SFSWAP: variants seen among roughly 807,000 people sequenced by gnomAD.
SFSWAP encodes the protein splicing factor, suppressor of white-apricot homolog.
SFSWAP carries 17 observed loss-of-function variants against 100.7 expected under a neutral mutation model. The ratio of observed to expected loss-of-function variants is 0.17; its 90% CI spans 0.12 to 0.25. SFSWAP has a LOEUF of 0.25. Ranked by LOEUF, SFSWAP falls within the 10% of genes least tolerant of loss-of-function variation. SFSWAP has a pLI of 1.00. For missense variants in SFSWAP, 1,005 were observed against 1,262.6 expected (o/e 0.80, Z 3.09); for synonymous variants, 504 against 510.1 (o/e 0.99, Z 0.16).
At position 131,725,264 on chromosome 12, in the gene SFSWAP, A is replaced by G. The variant is rs897453517; in HGVS notation, c.607-141A>G. ...AGATTTGGAGATGAGGAGTCCGAAC[A>G]GCCTGGGCTCTTCCAGCTTAAAGTC... is the stretch of plus-strand genomic sequence containing the variant. On this transcript the variant is annotated intron_variant, in intron 4 of 17. Transcript: ENST00000261674. The surrounding 1 kb of genome is among the most constrained non-coding windows in gnomAD (Gnocchi z 4.3). 1.6e-5 allele frequency: 12 copies of G among 732,230 alleles called. No homozygotes were observed. Among genetic ancestry groups the G allele is most frequent in the Non-Finnish European group, 2.3e-5 (10 of 434,136 alleles). The allele number at this position is 732,230 out of a possible 1,614,324, so 45.4% of individuals were successfully genotyped here.
At chr12:131,777,117 C>T (rs1243501483) in intron 13 of SFSWAP, among the ~76,000 whole-genome samples, 2 of 152,116 alleles carry the variant, frequency 1.3e-5, no homozygotes, top group African/African-American at 4.8e-5. Context: ...GTAGTTAAAA[C>T]TGTTTTTTTT....
At chr12:131,771,248 C>T (rs1883570879) in intron 13 of SFSWAP, among the ~76,000 whole-genome samples, 1 of 152,184 alleles carries the variant, frequency 6.6e-6, no homozygotes, top group African/African-American at 2.4e-5. Flanking sequence ...TGGTGTGTTA[C>T]AGGCACTCGG....
chr12:131,727,134 C>A (rs752014236), intron 6 of SFSWAP, 82 bp downstream of exon 6: 15 of 783,154 alleles, frequency 1.9e-5, no homozygotes, highest in Non-Finnish European at 3.3e-5. Flanking sequence ...TGAAGCATGT[C>A]ATTCTTGTGT....
intron 9 of SFSWAP, among the ~76,000 whole-genome samples, chr12:131,755,137 A>G (rs967888544): frequency 1.3e-5 from 2 of 152,190 alleles, no homozygotes; most frequent in Non-Finnish European, 2.9e-5. Flanking sequence ...AAACCAAGCA[A>G]TGTCCCACGC....
In SFSWAP at chr12:131,733,182, G is replaced by A. The variant is rs1402966693; in HGVS notation, c.1081+4754G>A. Among the ~76,000 whole-genome samples the A allele has an allele frequency of 2.0e-5, 3 of 152,290 alleles. No homozygotes were observed. In the East Asian group the frequency reaches 5.8e-4, roughly 29 times the overall value. The stretch of plus-strand genomic sequence containing the variant: ...CTTGAAACGTCAGCTGTATGAGAGC[G>A]GGCGGGGGATGGCGCGGTCTCCCTG... On this transcript the variant is annotated intron_variant, in intron 7 of 17. Coordinates refer to ENST00000261674, the MANE Select transcript of SFSWAP (RefSeq NM_004592.4). The surrounding 1 kb of genome is among the most constrained non-coding windows in gnomAD (Gnocchi z 5.1).
intron 16 of SFSWAP, 67 bp downstream of exon 16, chr12:131,797,427 C>T: frequency 7.2e-7 from 1 of 1,380,470 alleles, no homozygotes; most frequent in Non-Finnish European, 9.8e-7. Context: ...ACTCTCCCTC[C>T]TCCCTGAGTC....
chr12:131,725,228 A>G lies in SFSWAP; in HGVS notation c.607-177A>G, dbSNP rs1878842486. On this transcript the variant is annotated intron_variant, in intron 4 of 17. Coordinates refer to ENST00000261674, the MANE Select transcript of SFSWAP (RefSeq NM_004592.4). This position sits in a 1 kb window ranked among gnomAD's most constrained non-coding sequence, Gnocchi z 4.3. Reference sequence around the variant, plus strand: ...CAGCTGGCGAGCTTTCTCCCCTGCAAAATCCTGTCAAGATTTGGAGATGAG... The same window carrying G: ...CAGCTGGCGAGCTTTCTCCCCTGCAGAATCCTGTCAAGATTTGGAGATGAG... 1.3e-5 allele frequency among the ~76,000 whole-genome samples: 2 copies of G among 152,212 alleles called. No homozygotes were observed. Among genetic ancestry groups the G allele is most frequent in the Non-Finnish European group, 2.9e-5 (2 of 68,040 alleles).
chr12:131,740,668 A>G (rs1319155606), intron 7 of SFSWAP, among the ~76,000 whole-genome samples: 1 of 152,090 alleles, frequency 6.6e-6, no homozygotes, highest in East Asian at 1.9e-4. Context: ...CTTCCCTGTC[A>G]GCGACTTTTT....
chr12:131,715,603 G>C (rs1371861171), intron 3 of SFSWAP, among the ~76,000 whole-genome samples: 5 of 152,234 alleles, frequency 3.3e-5, no homozygotes, highest in African/African-American at 1.2e-4. Context: ...TAAGCGTCGA[G>C]AGCTCCACTA....
Position 131,755,371 on chromosome 12 carries a change from T to G in SFSWAP, c.1455-15T>G. ...GTCTTGGTAAATGACCCATTTTCTT[T>G]CTTTTTCTGCTCAGATTTGAGTTCC... On this transcript the variant is annotated splice_polypyrimidine_tract_variant and intron_variant, in intron 9 of 17. Transcript: ENST00000261674. The G allele has an allele frequency of 6.2e-7, 1 of 1,603,692 alleles. No homozygotes were observed. Among genetic ancestry groups the G allele is most frequent in the Non-Finnish European group, 8.5e-7 (1 of 1,170,964 alleles).
chr12:131,797,207 G>A lies in SFSWAP; in HGVS notation c.2564G>A (p.Arg855Gln), dbSNP rs777681116. The change falls in exon 16 of 18, where the codon CGG becomes CAG. Residue 855 changes from arginine (R) to glutamine (Q), a missense_variant. Transcript: ENST00000261674. ...RSPHEKKKKRRSRSRTKSKAR... is the reference protein window; with the variant it reads ...RSPHEKKKKRQSRSRTKSKAR... ...CCCCACGAGAAGAAGAAGAAGAGGC[G>A]GTCCCGGTCGCGGACCAAGTCCAAG... 16 of 1,611,284 alleles carry A rather than the reference G, an allele frequency of 9.9e-6. No individual in the cohort carries two copies. The highest frequency in any genetic ancestry group is 3.3e-5 in the South Asian group (3 of 91,064).
intron 14 of SFSWAP, chr12:131,785,425 G>T (rs893583027): frequency 2.1e-6 from 1 of 481,026 alleles, no homozygotes; most frequent in Non-Finnish European, 3.6e-6. Flanking sequence ...ATGATTCAAC[G>T]TAGAACTTTT....
intron 14 of SFSWAP, chr12:131,785,282 T>TG (rs1779943596): frequency 8.2e-6 from 11 of 1,337,810 alleles, no homozygotes; most frequent in East Asian, 2.6e-5. Context: ...AGGAAAGGTC[T>TG]GGGAAAAAAT....
At chr12:131,713,565 G>T (rs1877594595) in intron 1 of SFSWAP, 1 of 152,324 alleles carries the variant, frequency 6.6e-6, no homozygotes, top group African/African-American at 2.4e-5. Context: ...TCCAATGGAC[G>T]CAAGTTTCTT....
In SFSWAP at chr12:131,714,462, A is replaced by G; in HGVS notation, c.388+222A>G. The G allele has an allele frequency of 2.0e-6, 1 of 509,322 alleles. No homozygotes were observed. The highest frequency in any genetic ancestry group is 3.4e-6 in the Non-Finnish European group (1 of 290,576). 31.6% of individuals were successfully genotyped at this position (509,322 alleles called of 1,614,324 possible). A position where few individuals can be genotyped will look rare whatever the true frequency, so the allele number is the denominator to read the frequency against. On this transcript the variant is annotated intron_variant, in intron 2 of 17. Coordinates refer to ENST00000261674, the MANE Select transcript of SFSWAP (RefSeq NM_004592.4). The surrounding 1 kb of genome is among the most constrained non-coding windows in gnomAD (Gnocchi z 6.0). ...TCCCAGCTTTTGAGGGCAGACTGGG[A>G]TTTGAAAAAAACAAAAACCAAACTC... is the stretch of plus-strand genomic sequence containing the variant.
intron 7 of SFSWAP, among the ~76,000 whole-genome samples, chr12:131,731,990 G>GC (rs1309719317): frequency 2.3e-5 from 3 of 132,918 alleles, no homozygotes; most frequent in Non-Finnish European, 4.6e-5. Flanking sequence ...GCTCACTGCA[G>GC]CCTCCACCTC....
rs555361520 is a variant in SFSWAP at position 131,734,064 on chromosome 12, C to T, written c.1081+5636C>T. Among the ~76,000 whole-genome samples the T allele has an allele frequency of 2.6e-5, 4 of 152,342 alleles. No homozygotes were observed. Among genetic ancestry groups the T allele is most frequent in the African/African-American group, 9.6e-5 (4 of 41,578 alleles). On this transcript the variant is annotated intron_variant, in intron 7 of 17. Transcript: ENST00000261674. This position sits in a 1 kb window ranked among gnomAD's most constrained non-coding sequence, Gnocchi z 4.9. ...TCCTAGGTGAGTGCCCACCCTGTGG[C>T]ACTGAGACCCAACAGCTCAGGTGAC...
In SFSWAP at chr12:131,778,110, C is replaced by T. The variant is rs766546805; in HGVS notation, c.2188C>T (p.Leu730=). 1.9e-6 allele frequency: 3 copies of T among 1,614,042 alleles called. No individual in the cohort carries two copies. Among genetic ancestry groups the T allele is most frequent in the Non-Finnish European group, 1.7e-6 (2 of 1,180,026 alleles). Residue 730 remains leucine, a synonymous_variant, in exon 14 of 18, where the codon CTG becomes TTG. Transcript: ENST00000261674. This position sits in a 1 kb window ranked among gnomAD's most constrained non-coding sequence, Gnocchi z 4.2. ...CCCTCTACTGACTGGAGGCAGGCCTCTGCCTACTTTAGAAGTTAAACCACC... is the reference window on the plus strand; with the variant it reads ...CCCTCTACTGACTGGAGGCAGGCCTTTGCCTACTTTAGAAGTTAAACCACC... ...PCPLLTGGRP[L]PTLEVKPPDR...
chr12:131,756,937 G>A (rs1186975882), intron 11 of SFSWAP: 1 of 300,602 alleles, frequency 3.3e-6, no homozygotes, highest in African/African-American at 2.2e-5. Context: ...TACTCCCTGG[G>A]ACTTCTGAAA....
Sources: gnomAD v4.1 joint callset for allele counts (sites outside exome capture counted in the v4.1 genomes callset) on GRCh38, gnomAD v4.1.1 for gene constraint, Gnocchi (gnomAD v3.1) non-coding constraint, MANE v1.5 for transcripts, NCBI Gene and HGNC (gene_info 2026-07-23, HGNC 2026-07-21) for gene names.